The following TRIM67 variants were observed in gnomAD, a reference collection of about 807,000 sequenced individuals.
TRIM67 encodes tripartite motif-containing protein 67.
In TRIM67, 39 loss-of-function variants were observed where a neutral mutation model predicts 71.0. The observed-to-expected ratio is 0.55, with a 90% confidence interval of 0.43 to 0.72. The LOEUF (loss-of-function observed/expected upper bound fraction) is 0.72. TRIM67 is among the 30% of genes least tolerant of loss of function. TRIM67 has a pLI of 0.00. For synonymous variants in TRIM67, 481 were observed against 473.9 expected, an observed-to-expected ratio of 1.01 and a Z score of -0.19; for missense variants, 973 against 1,079.2, an observed-to-expected ratio of 0.90 and a Z score of 1.38.
chr1:231,220,401 C>T lies in TRIM67; in HGVS notation c.*4961C>T, dbSNP rs2102773218. 1 of 156,800 alleles carries T rather than the reference C, an allele frequency of 6.4e-6. No individual in the cohort carries two copies. The highest frequency in any genetic ancestry group is 1.9e-4 in the South Asian group (1 of 5,248). The allele number at this position is 156,800 out of a possible 1,614,324, so 9.7% of individuals were successfully genotyped here. On this transcript the variant is annotated 3_prime_UTR_variant, in exon 10 of 10. Coordinates refer to ENST00000366653, the MANE Select transcript of TRIM67 (RefSeq NM_001004342.5). ...CAGTCTCACTGCGAGGCCTCAAGGC[C>T]TCTGTGAGCAGAAGCCCCTTTAAAC...
At chr1:231,202,256 G>A (rs1683572068) in intron 5 of TRIM67, among the ~76,000 whole-genome samples, 2 of 142,282 alleles carry the variant, frequency 1.4e-5, no homozygotes, top group South Asian at 4.7e-4. Context: ...AGTGGAGAAG[G>A]AGGAGGTGGT....
intron 4 of TRIM67, 127 bp downstream of exon 4, chr1:231,200,385 A>G (rs1217279986): frequency 9.6e-6 from 6 of 623,496 alleles, no homozygotes; most frequent in African/African-American, 1.8e-5. Flanking sequence ...TTGTTCAATG[A>G]TTCCAGAAGA....
chr1:231,185,932 G>A, intron 1 of TRIM67: 1 of 656,152 alleles, frequency 1.5e-6, no homozygotes, highest in East Asian at 2.7e-5. Flanking sequence ...CTGGAGATGA[G>A]TGTGATAAAC....
At chr1:231,202,209 G>GGAGAAGGAGGAGGAGA (rs1683566221) in intron 5 of TRIM67, among the ~76,000 whole-genome samples, 2 of 1,710 alleles carry the variant, frequency 1.2e-3, no homozygotes, top group African/African-American at 3.9e-3. Flanking sequence ...GGCTGAGATA[G>GGAGAAGGAGGAGGAGA]TGGAGGAGGA....
At chr1:231,177,512 G>C (rs895091980) in intron 1 of TRIM67, among the ~76,000 whole-genome samples, 2 of 152,180 alleles carry the variant, frequency 1.3e-5, no homozygotes, top group African/African-American at 2.4e-5. Context: ...GCTTGTTCTT[G>C]GTGTTATCAG....
rs1027745977 is a variant in TRIM67, at chr1:231,221,373, T to A, written c.*5933T>A. On this transcript the variant is annotated 3_prime_UTR_variant, in exon 10 of 10. Transcript: ENST00000366653. The stretch of plus-strand genomic sequence containing the variant: ...AAACACGGGGGGTAGCGGGGAGTGG[T>A]AAGGAAAGCAACTTTTTTCTAATTT... The A allele has an allele frequency of 6.6e-5, 10 of 152,534 alleles. No homozygotes were observed. The highest frequency in any genetic ancestry group is 4.4e-5 in the Non-Finnish European group (3 of 68,032). The allele number at this position is 152,534 out of a possible 1,614,324, so 9.4% of individuals were successfully genotyped here.
chr1:231,193,550 C>CTCTCTCTG (rs58450029), intron 1 of TRIM67, among the ~76,000 whole-genome samples: 1 of 142,480 alleles, frequency 7.0e-6, no homozygotes. Context: ...CTCTCTCTCT[C>CTCTCTCTG]CTCTTGGTGC....
At chr1:231,203,482 G>A (rs1244129754) in intron 5 of TRIM67, among the ~76,000 whole-genome samples, 1 of 152,206 alleles carries the variant, frequency 6.6e-6, no homozygotes, top group Admixed American at 6.5e-5. Context: ...CACGCACAGG[G>A]AGCCTGGACT....
At chr1:231,207,260 T>C (rs1683729605) in intron 7 of TRIM67, among the ~76,000 whole-genome samples, 1 of 152,128 alleles carries the variant, frequency 6.6e-6, no homozygotes, top group Non-Finnish European at 1.5e-5. Context: ...ACAAGAAAAC[T>C]CCACGATAGA....
chr1:231,167,384 G>C (rs1682503008), intron 1 of TRIM67, among the ~76,000 whole-genome samples: 1 of 86,826 alleles, frequency 1.2e-5, no homozygotes, highest in Non-Finnish European at 1.9e-5. Flanking sequence ...GTGCAGTGGC[G>C]GGATCTCGGC....
chr1:231,164,638 G>A (rs558650055), intron 1 of TRIM67, among the ~76,000 whole-genome samples: 4 of 152,168 alleles, frequency 2.6e-5, no homozygotes, highest in Admixed American at 6.5e-5. Context: ...ACCCCTAACC[G>A]CCTCTGGAAC....
At position 231,220,339 on chromosome 1, in the gene TRIM67, C is replaced by CCTGTGTGTGT. The variant is rs1684112558; in HGVS notation, c.*4899_*4900insCTGTGTGTGT. ...TTCCCGGCGAGGCCTGTTTGAATGG[C>CCTGTGTGTGT]GCTCTGTGTGAGTGCTATGAACAGG... On this transcript the variant is annotated 3_prime_UTR_variant, in exon 10 of 10. Transcript: ENST00000366653. 5.1e-6 allele frequency: 1 copy of CCTGTGTGTGT among 196,844 alleles called. No homozygotes were observed. Among genetic ancestry groups the CCTGTGTGTGT allele is most frequent in the South Asian group, 8.9e-5 (1 of 11,194 alleles). The allele number at this position is 196,844 out of a possible 1,614,324, so 12.2% of individuals were successfully genotyped here.
chr1:231,215,237 T>C (rs369985627), intron 9 of TRIM67, 138 bp from the exon 10 acceptor site: 2 of 1,304,986 alleles, frequency 1.5e-6, no homozygotes. Flanking sequence ...TATTCAACAG[T>C]CCACAGCAGC....
intron 2 of TRIM67, among the ~76,000 whole-genome samples, chr1:231,198,440 G>A (rs1683428833): frequency 6.6e-6 from 1 of 152,108 alleles, no homozygotes; most frequent in African/African-American, 2.4e-5. Context: ...AGGCTATAGT[G>A]CAATGGCACG....
At chr1:231,212,399 C>G (rs1683899945) in intron 8 of TRIM67, among the ~76,000 whole-genome samples, 4 of 152,138 alleles carry the variant, frequency 2.6e-5, no homozygotes, top group African/African-American at 9.7e-5. Context: ...TGCTGAGGAT[C>G]TGTTTACCCA....
chr1:231,187,509 AAC>A, intron 1 of TRIM67: 11 of 1,517,466 alleles, frequency 7.2e-6, no homozygotes, highest in African/African-American at 2.8e-5. Flanking sequence ...AAAAAAAAAA[AAC>A]AATACCTTAG....
intron 1 of TRIM67, among the ~76,000 whole-genome samples, chr1:231,175,679 A>G (rs115948071): frequency 1.3e-3 from 203 of 152,366 alleles, no homozygotes; most frequent in African/African-American, 4.8e-3. Context: ...TACCGTCTCT[A>G]TCTTCCAAGG....
chr1:231,220,657 A>T lies in TRIM67; in HGVS notation c.*5217A>T, dbSNP rs1684119541. The T allele has an allele frequency of 6.6e-6, 1 of 152,244 alleles. No individual in the cohort carries two copies. Among genetic ancestry groups the T allele is most frequent in the Admixed American group, 6.5e-5 (1 of 15,280 alleles). The allele number at this position is 152,244 out of a possible 1,614,324, so 9.4% of individuals were successfully genotyped here. On this transcript the variant is annotated 3_prime_UTR_variant, in exon 10 of 10. Coordinates refer to ENST00000366653, the MANE Select transcript of TRIM67 (RefSeq NM_001004342.5). ...TTTCAGATGACTGATAACCGCTGGG[A>T]CTGCTGGGGCTTCACCAGCACGAGC...
At chr1:231,167,598 A>T (rs1462301187) in intron 1 of TRIM67, among the ~76,000 whole-genome samples, 1 of 147,942 alleles carries the variant, frequency 6.8e-6, no homozygotes, top group Non-Finnish European at 1.5e-5. Flanking sequence ...CTGGGATTAC[A>T]GGCGTGAGCC....
Sources: allele counts gnomAD v4.1 joint callset (sites outside exome capture counted in the v4.1 genomes callset), GRCh38; gene constraint gnomAD v4.1.1; transcripts MANE v1.5; gene names NCBI Gene and HGNC (gene_info 2026-07-23, HGNC 2026-07-21).